TMEM231: variants seen among roughly 807,000 people sequenced by gnomAD.
The protein encoded by TMEM231 is transmembrane protein 231.
In TMEM231, 40 loss-of-function variants were observed where a neutral mutation model predicts 38.5. The ratio of observed to expected loss-of-function variants is 1.04; its 90% CI spans 0.81 to 1.35. The LOEUF (loss-of-function observed/expected upper bound fraction) is 1.35. Ranked by LOEUF, TMEM231 falls within the 40% of genes most tolerant of loss-of-function variation. The pLI, the probability that TMEM231 is intolerant of heterozygous loss-of-function variation, is 0.00. For missense variants in TMEM231, 420 were observed against 416.9 expected (o/e 1.01, Z -0.07); for synonymous variants, 199 against 181.7 (o/e 1.10, Z -0.77).
rs191470275 is a variant in TMEM231, at chr16:75,549,721, T to G, written c.310-3767A>C. ...GAGTCAGAGGGAATTTTTTTGTTTT[T>G]TTTTTGAGACGAAGTCTTACTCTGT... On this transcript the variant is annotated intron_variant, in intron 2 of 6. Transcript: ENST00000258173. 1.2e-3 allele frequency among the ~76,000 whole-genome samples: 181 copies of G among 152,292 alleles called. 1 individual carries two copies. The highest frequency in any genetic ancestry group is 4.2e-3 in the African/African-American group (176 of 41,560).
rs1035480801 is a variant in TMEM231 at position 75,539,437 on chromosome 16, T to A, written c.*557A>T. On this transcript the variant is annotated 3_prime_UTR_variant, in exon 7 of 7. Transcript: ENST00000258173. ...TTCAGCGGCCCTCCCTGATTGCCTG[T>A]GCTAATGCGGCCCTTGCCCTTGGGC... 6.6e-6 allele frequency: 1 copy of A among 151,930 alleles called. No homozygotes were observed. The highest frequency in any genetic ancestry group is 6.6e-5 in the Admixed American group (1 of 15,252). The allele number at this position is 151,930 out of a possible 1,614,324, so 9.4% of individuals were successfully genotyped here. A position where few individuals can be genotyped will look rare whatever the true frequency, so the allele number is the denominator to read the frequency against.
intron 2 of TMEM231, among the ~76,000 whole-genome samples, chr16:75,554,201 G>C (rs2080788503): frequency 6.6e-6 from 1 of 152,088 alleles, no homozygotes; most frequent in Non-Finnish European, 1.5e-5. Flanking sequence ...TCATCAAAGA[G>C]CTGCTATTCC....
chr16:75,552,279 C>A (rs1326607632), intron 2 of TMEM231, among the ~76,000 whole-genome samples: 1 of 152,112 alleles, frequency 6.6e-6, no homozygotes, highest in Non-Finnish European at 1.5e-5. Flanking sequence ...CATGGTAAAA[C>A]CTCATCTATA....
intron 2 of TMEM231, chr16:75,554,892 T>TC (rs2080794900): frequency 6.6e-6 from 1 of 151,878 alleles, no homozygotes; most frequent in Non-Finnish European, 1.5e-5. Flanking sequence ...CCTATTACTA[T>TC]TTTTTTTGCA....
intron 2 of TMEM231, chr16:75,555,306 C>A (rs2080797964): frequency 6.5e-6 from 1 of 154,860 alleles, no homozygotes; most frequent in African/African-American, 2.4e-5. Flanking sequence ...TCGGCCACAG[C>A]GCGTTCTGGG....
chr16:75,553,033 C>A (rs1374763198), intron 2 of TMEM231, among the ~76,000 whole-genome samples: 1 of 152,290 alleles, frequency 6.6e-6, no homozygotes, highest in East Asian at 1.9e-4. Flanking sequence ...AAGCATTAAA[C>A]ATGTAGGGAG....
intron 2 of TMEM231, among the ~76,000 whole-genome samples, chr16:75,548,378 C>G (rs2080718308): frequency 1.3e-5 from 2 of 152,134 alleles, no homozygotes; most frequent in South Asian, 4.1e-4. Flanking sequence ...TTGTTAAATT[C>G]ACTCATTGAT....
At chr16:75,545,304 C>T in intron 4 of TMEM231, 48 bp downstream of exon 4, 1 of 1,582,474 alleles carries the variant, frequency 6.3e-7, no homozygotes, top group Non-Finnish European at 8.6e-7. Context: ...ACTTAATGAA[C>T]AGTAACACAG....
rs1476407731 is a variant in TMEM231, at chr16:75,555,817, A to C, written c.296T>G (p.Val99Gly). The C allele has an allele frequency of 1.9e-6, 3 of 1,547,350 alleles. No individual in the cohort carries two copies. The highest frequency in any genetic ancestry group is 2.4e-5 in the South Asian group (2 of 81,682). The change falls in exon 2 of 7, where the codon GTC (valine) becomes GGC (glycine). Residue 99 changes from valine to glycine, a missense_variant. Val to Gly is a moderately radical substitution (Grantham distance 109, BLOSUM62 -3). Coordinates refer to ENST00000258173, the MANE Select transcript of TMEM231 (RefSeq NM_001077418.3). ...FNRLQGDRLR[V>G]PLVSTREEDR... ...GGAACCACGCACCGAAACGAGCGGG[A>C]CGCGCAGGCGATCCCCTTGCAGCCG...
intron 5 of TMEM231, among the ~76,000 whole-genome samples, chr16:75,542,310 T>C (rs1046576831): frequency 2.0e-5 from 3 of 151,794 alleles, no homozygotes; most frequent in Admixed American, 6.6e-5. Context: ...AACAACTCAA[T>C]TAGGCTTATA....
chr16:75,542,049 A>C (rs925168942), intron 5 of TMEM231: 6 of 156,752 alleles, frequency 3.8e-5, no homozygotes, highest in Admixed American at 1.9e-4. Context: ...GCCAAGTAAC[A>C]CTGTAGATGC....
chr16:75,555,956 T>C lies in TMEM231; in HGVS notation c.157A>G (p.Ser53Gly). 3.7e-6 allele frequency: 6 copies of C among 1,603,936 alleles called. No individual in the cohort carries two copies. Among genetic ancestry groups the C allele is most frequent in the Non-Finnish European group, 5.1e-6 (6 of 1,175,736 alleles). The change falls in exon 2 of 7, where the codon AGC becomes GGC. Residue 53 changes from serine (S) to glycine (G), a missense_variant. Ser to Gly is a moderately conservative substitution (Grantham distance 56). Transcript: ENST00000258173. ...FRSHGFWLKR[S>G]SYEEQPTVRF... The stretch of plus-strand genomic sequence containing the variant: ...ACGGTCGGCTGCTCCTCGTAGCTGC[T>C]CCGCTTCAGCCAAAACCCTGAGTTA...
chr16:75,549,204 C>G lies in TMEM231; in HGVS notation c.310-3250G>C, dbSNP rs569718013. Among the ~76,000 whole-genome samples, 3 of 152,306 alleles carry G rather than the reference C, an allele frequency of 2.0e-5. No individual in the cohort carries two copies. The South Asian group carries it at 6.2e-4, about 32-fold the overall frequency. The stretch of plus-strand genomic sequence containing the variant: ...TGCTCCTCTGTTATCACTTGGACCA[C>G]TGAATAAATCAATTATTTAATTCCA... On this transcript the variant is annotated intron_variant, in intron 2 of 6. Transcript: ENST00000258173.
Position 75,542,621 on chromosome 16 carries a change from A to G in TMEM231, c.645T>C (p.Ala215=). The G allele has an allele frequency of 6.2e-7, 1 of 1,613,904 alleles. No individual in the cohort carries two copies. The highest frequency in any genetic ancestry group is 8.5e-7 in the Non-Finnish European group (1 of 1,179,870). The change falls in exon 5 of 7, where the codon GCT becomes GCC. Residue 215 remains alanine, a synonymous_variant. Coordinates refer to ENST00000258173, the MANE Select transcript of TMEM231 (RefSeq NM_001077418.3). The part of the protein sequence containing the change: ...AYDYDLTHIV[A]AYQERNVTTV... Reference sequence around the variant, plus strand: ...ACTCACCGTTCCTCTCCTGGTAGGCAGCAACAATATGGGTGAGGTCGTAGT... The same window carrying G: ...ACTCACCGTTCCTCTCCTGGTAGGCGGCAACAATATGGGTGAGGTCGTAGT...
At chr16:75,555,077 A>C (rs753344037) in intron 2 of TMEM231, 1 of 152,244 alleles carries the variant, frequency 6.6e-6, no homozygotes, top group Non-Finnish European at 1.5e-5. Flanking sequence ...ATACTTCTAA[A>C]GGAAAACGTT....
intron 2 of TMEM231, among the ~76,000 whole-genome samples, chr16:75,546,588 G>A (rs767414097): frequency 9.9e-5 from 15 of 152,042 alleles, no homozygotes; most frequent in African/African-American, 1.7e-4. Context: ...GATTACAAGT[G>A]CCCACCACCA....
chr16:75,551,821 C>T (rs1427988828), intron 2 of TMEM231, among the ~76,000 whole-genome samples: 5 of 151,582 alleles, frequency 3.3e-5, no homozygotes, highest in African/African-American at 4.8e-5. Flanking sequence ...AATCAGCCGG[C>T]CGTGGTGGTG....
At chr16:75,545,203 G>A (rs565935862) in intron 4 of TMEM231, 149 bp downstream of exon 4, 8 of 1,128,946 alleles carry the variant, frequency 7.1e-6, no homozygotes, top group South Asian at 1.7e-5. Context: ...TGATCCATCC[G>A]CACATCTCCG....
At chr16:75,542,286 G>C (rs2080636135) in intron 5 of TMEM231, among the ~76,000 whole-genome samples, 1 of 151,518 alleles carries the variant, frequency 6.6e-6, no homozygotes, top group Non-Finnish European at 1.5e-5. Context: ...GGTGTGGATA[G>C]GTGTGGTATG....
Sources: allele counts gnomAD v4.1 joint callset (sites outside exome capture counted in the v4.1 genomes callset), GRCh38; gene constraint gnomAD v4.1.1; transcripts MANE v1.5; gene names NCBI Gene and HGNC (gene_info 2026-07-23, HGNC 2026-07-21).